Variants in KANSL1L observed in about 807,000 individuals in gnomAD.
KANSL1L encodes the protein KAT8 regulatory NSL complex subunit 1 like, also known as KAT8 regulatory NSL complex subunit 1-like protein.
Under a neutral mutation model 108.6 loss-of-function variants are expected in KANSL1L, and 25 were observed. The ratio of observed to expected loss-of-function variants is 0.23; its 90% CI spans 0.17 to 0.32. KANSL1L has a LOEUF of 0.32. Ranked by LOEUF, KANSL1L falls within the 10% of genes least tolerant of loss-of-function variation. The probability of loss-of-function intolerance (pLI) is 1.00; values close to 1 mark genes in which losing one functional copy is unlikely to be tolerated. For missense variants in KANSL1L, 1,137 were observed against 1,125.7 expected, an observed-to-expected ratio of 1.01 and a Z score of -0.14; for synonymous variants, 405 against 395.1, an observed-to-expected ratio of 1.03 and a Z score of -0.30.
chr2:210,028,998 A>G, intron 10 of KANSL1L, 29 bp from the exon 11 acceptor site: 1 of 1,572,248 alleles, frequency 6.4e-7, no homozygotes, highest in South Asian at 1.2e-5. Context: ...GTAGATTTAC[A>G]GTACTGTCTA....
At chr2:210,156,250 ATT>A (rs1000223644) in intron 1 of KANSL1L, among the ~76,000 whole-genome samples, 2 of 150,600 alleles carry the variant, frequency 1.3e-5, no homozygotes, top group Non-Finnish European at 3.0e-5. Context: ...ACTGATAAAA[ATT>A]TTTTTTTTCT....
Position 210,021,726 on chromosome 2 carries a change from T to C in KANSL1L, c.*1223A>G, listed in dbSNP as rs1433313353. On this transcript the variant is annotated 3_prime_UTR_variant, in exon 15 of 15. Transcript: ENST00000281772. Reference sequence around the variant, plus strand: ...GGTAGTACAACTTGAGTAACCTTTTTTACATGACAAAAAGTGAGTTATATA... The same window carrying C: ...GGTAGTACAACTTGAGTAACCTTTTCTACATGACAAAAAGTGAGTTATATA... 2 of 152,290 alleles carry C rather than the reference T, an allele frequency of 1.3e-5. No individual in the cohort carries two copies. The highest frequency in any genetic ancestry group is 2.9e-5 in the Non-Finnish European group (2 of 67,954). The allele number at this position is 152,290 out of a possible 1,614,324, so 9.4% of individuals were successfully genotyped here.
chr2:210,154,704 T>C (rs1575632340), intron 1 of KANSL1L, 93 bp from the exon 2 acceptor site: 2 of 687,488 alleles, frequency 2.9e-6, no homozygotes, highest in East Asian at 6.2e-5. Flanking sequence ...TGTTTCTGAT[T>C]AGAACATGAA....
chr2:210,171,255 GCCGCTGACTCGTCTCCAGAGCGCGCC>G lies in KANSL1L; in HGVS notation c.-162_-137del, dbSNP rs1688319099. The G allele has an allele frequency of 6.2e-6, 1 of 160,590 alleles. No individual in the cohort carries two copies. Among genetic ancestry groups the G allele is most frequent in the South Asian group, 1.7e-4 (1 of 5,764 alleles). 9.9% of individuals were successfully genotyped at this position (160,590 alleles called of 1,614,324 possible). On this transcript the variant is annotated 5_prime_UTR_variant, in exon 1 of 15. Coordinates refer to ENST00000281772, the MANE Select transcript of KANSL1L (RefSeq NM_152519.4). ...CCCGCCCGCCTCCCCCACCCGGGGC[GCCGCTGACTCGTCTCCAGAGCGCGCC>G]CCGCTCCCGCCCCGGCCGCCGCCGC... is the stretch of plus-strand genomic sequence containing the variant.
At chr2:210,135,862 A>G (rs1196675048) in intron 2 of KANSL1L, among the ~76,000 whole-genome samples, 2 of 152,152 alleles carry the variant, frequency 1.3e-5, no homozygotes, top group African/African-American at 2.4e-5. Flanking sequence ...CTCATTTAAA[A>G]TGTTCATTGT....
chr2:210,088,222 CAAGATGG>C, intron 5 of KANSL1L: 1 of 152,180 alleles, frequency 6.6e-6, no homozygotes, highest in East Asian at 1.9e-4. Flanking sequence ...TCCCATCTTA[CAAGATGG>C]CAGGTGAAAA....
chr2:210,045,965 T>A (rs369282964), intron 6 of KANSL1L, among the ~76,000 whole-genome samples: 1 of 152,168 alleles, frequency 6.6e-6, no homozygotes, highest in Non-Finnish European at 1.5e-5. Flanking sequence ...AGGTAAATAA[T>A]AGAAATTTAC....
intron 3 of KANSL1L, among the ~76,000 whole-genome samples, chr2:210,117,427 A>T (rs1480338066): frequency 6.6e-6 from 1 of 152,188 alleles, no homozygotes; most frequent in Non-Finnish European, 1.5e-5. Context: ...TTTAATCCAA[A>T]GAAAAGTACC....
chr2:210,036,063 C>T lies in KANSL1L; in HGVS notation c.2029+4357G>A, dbSNP rs554652270. Among the ~76,000 whole-genome samples the T allele has an allele frequency of 3.0e-4, 45 of 152,272 alleles. No homozygotes were observed. The South Asian group carries it at 9.1e-3, about 31-fold the overall frequency. ...TCTCTGTAAATTCCAATTAAGTAGT[C>T]GAAGCTGCACTTAGGCATCACCAAC... On this transcript the variant is annotated intron_variant, in intron 8 of 14. Transcript: ENST00000281772.
intron 1 of KANSL1L, among the ~76,000 whole-genome samples, chr2:210,169,663 C>T (rs964689512): frequency 6.6e-6 from 1 of 152,144 alleles, no homozygotes; most frequent in African/African-American, 2.4e-5. Context: ...TTACTCCAGA[C>T]AGTTTGCGGG....
At chr2:210,063,737 AC>A (rs969817351) in intron 6 of KANSL1L, 1 of 151,826 alleles carries the variant, frequency 6.6e-6, no homozygotes, top group Non-Finnish European at 1.5e-5. Context: ...CAATGACTGT[AC>A]CCTCATTGTA....
intron 6 of KANSL1L, among the ~76,000 whole-genome samples, chr2:210,057,155 A>T (rs1322457280): frequency 6.6e-6 from 1 of 152,170 alleles, no homozygotes; most frequent in Non-Finnish European, 1.5e-5. Context: ...TAATCCCAGC[A>T]CTTTGTGAGG....
chr2:210,131,078 T>G (rs2095115744), intron 2 of KANSL1L, among the ~76,000 whole-genome samples: 1 of 152,152 alleles, frequency 6.6e-6, no homozygotes, highest in Non-Finnish European at 1.5e-5. Flanking sequence ...AAAGTGACAT[T>G]GTCATTTCCA....
At position 210,025,127 on chromosome 2, in the gene KANSL1L, G is replaced by T; in HGVS notation, c.2541C>A (p.Ser847Arg). 6.2e-7 allele frequency: 1 copy of T among 1,611,466 alleles called. No homozygotes were observed. The change falls in exon 13 of 15, where the codon AGC (serine) becomes AGA (arginine). Residue 847 changes from serine to arginine, a missense_variant. Ser to Arg is a moderately radical substitution (Grantham distance 110). Transcript: ENST00000281772. The stretch of plus-strand genomic sequence containing the variant: ...GCCTGCTGTTTCTTCTGTGCCACTT[G>T]CTTTGCTCCCATAGTGACCACCTGG... ...EQARWSLWEQ[S>R]KWHRRNSRAY... is the part of the protein sequence containing the mutation.
intron 3 of KANSL1L, among the ~76,000 whole-genome samples, chr2:210,108,261 C>T (rs931543690): frequency 4.6e-5 from 7 of 152,072 alleles, no homozygotes; most frequent in Non-Finnish European, 7.4e-5. Flanking sequence ...TGGCATGTTC[C>T]ATAAAATAAA....
chr2:210,058,836 CAAA>C (rs71043968), intron 6 of KANSL1L, among the ~76,000 whole-genome samples: 5 of 65,804 alleles, frequency 7.6e-5, no homozygotes, highest in Non-Finnish European at 1.2e-4. Context: ...GACTCCGTCT[CAAA>C]AAAAAAAAAA....
chr2:210,042,462 T>A (rs945984506), intron 7 of KANSL1L, among the ~76,000 whole-genome samples: 3 of 152,190 alleles, frequency 2.0e-5, no homozygotes, highest in African/African-American at 7.2e-5. Context: ...CAGAGAAATA[T>A]ATTTGCTAAT....
intron 6 of KANSL1L, among the ~76,000 whole-genome samples, chr2:210,072,028 G>A (rs921484069): frequency 1.3e-5 from 2 of 152,022 alleles, no homozygotes; most frequent in Admixed American, 1.3e-4. Context: ...AATATTCAGG[G>A]AATTCAACAT....
At chr2:210,056,452 T>C (rs1390512626) in intron 6 of KANSL1L, among the ~76,000 whole-genome samples, 1 of 152,158 alleles carries the variant, frequency 6.6e-6, no homozygotes, top group Non-Finnish European at 1.5e-5. Flanking sequence ...GTCATTCACA[T>C]TTGATGAGGA....
Sources: allele counts gnomAD v4.1 joint callset (sites outside exome capture counted in the v4.1 genomes callset), GRCh38; gene constraint gnomAD v4.1.1; transcripts MANE v1.5; gene names NCBI Gene and HGNC (gene_info 2026-07-23, HGNC 2026-07-21).